Variants in CD109 observed in about 807,000 individuals in gnomAD.
CD109 encodes CD109 antigen.
CD109 carries 149 observed loss-of-function variants against 165.8 expected under a neutral mutation model. The ratio of observed to expected loss-of-function variants is 0.90; its 90% CI spans 0.79 to 1.03. CD109 has a LOEUF of 1.03. Ranked by LOEUF, CD109 falls within the 50% of genes least tolerant of loss-of-function variation. The pLI, the probability that CD109 is intolerant of heterozygous loss-of-function variation, is 0.00. For synonymous variants in CD109, 585 were observed against 592.1 expected (o/e 0.99, Z 0.18); for missense variants, 1,712 against 1,677.8 (o/e 1.02, Z -0.36).
Position 73,762,478 on chromosome 6 carries a change from A to C in CD109, c.853A>C (p.Lys285Gln). ...GAAGAAAAATATTACAAAAACATTTAAGGTAACTTTTGCAGACACTTTATA... is the reference window on the plus strand; with the variant it reads ...GAAGAAAAATATTACAAAAACATTTCAGGTAACTTTTGCAGACACTTTATA... ...GKKKNITKTFKINGSANFSFN... is the reference protein window; with the variant it reads ...GKKKNITKTFQINGSANFSFN... Residue 285 changes from lysine (K) to glutamine (Q), a missense_variant and splice_region_variant, in exon 8 of 33, where the codon AAG (lysine) becomes CAG (glutamine). Lys to Gln is a moderately conservative substitution (Grantham distance 53). Coordinates refer to ENST00000287097, the MANE Select transcript of CD109 (RefSeq NM_133493.5). The C allele has an allele frequency of 6.3e-7, 1 of 1,583,520 alleles. No individual in the cohort carries two copies. The highest frequency in any genetic ancestry group is 8.7e-7 in the Non-Finnish European group (1 of 1,153,188).
chr6:73,707,152 C>A (rs971439171), intron 2 of CD109, among the ~76,000 whole-genome samples: 1 of 152,192 alleles, frequency 6.6e-6, no homozygotes. Flanking sequence ...CAAAGTCAAG[C>A]GTGGGTTTAC....
At chr6:73,820,356 A>G (rs1776067292) in intron 31 of CD109, 105 bp from the exon 32 acceptor site, 3 of 599,882 alleles carry the variant, frequency 5.0e-6, no homozygotes, top group African/African-American at 3.8e-5. Flanking sequence ...ATCCTCCCTA[A>G]GTGTTAGTCT....
At chr6:73,819,621 C>A (rs1776044644) in intron 31 of CD109, among the ~76,000 whole-genome samples, 1 of 152,144 alleles carries the variant, frequency 6.6e-6, no homozygotes, top group Non-Finnish European at 1.5e-5. Context: ...TTTAGCACTT[C>A]AAAACCACTT....
At chr6:73,709,309 G>A (rs930586195) in intron 2 of CD109, among the ~76,000 whole-genome samples, 2 of 152,154 alleles carry the variant, frequency 1.3e-5, no homozygotes, top group African/African-American at 4.8e-5. Context: ...TCAGATAGTT[G>A]TAGATGTGTG....
At chr6:73,805,085 A>G (rs1013221387) in intron 24 of CD109, among the ~76,000 whole-genome samples, 1 of 152,232 alleles carries the variant, frequency 6.6e-6, no homozygotes, top group South Asian at 2.1e-4. Context: ...TGTGGAAGAC[A>G]GTGTGGTGAT....
chr6:73,682,807 G>T, the CD109 span, among the ~76,000 whole-genome samples: 1 of 152,212 alleles, frequency 6.6e-6, no homozygotes, highest in African/African-American at 2.4e-5. Context: ...CTGTGCACCT[G>T]CAGGCTGAAC....
rs143171955 is a variant in CD109 at position 73,804,036 on chromosome 6, A to G, written c.2960+735A>G. On this transcript the variant is annotated intron_variant, in intron 24 of 32. Coordinates refer to ENST00000287097, the MANE Select transcript of CD109 (RefSeq NM_133493.5). Reference sequence around the variant, plus strand: ...GCTCCAGGTTTGCCACAGCCCGGAAAGAGGAGGCTGGAGTCTATAGCACTG... The same window carrying G: ...GCTCCAGGTTTGCCACAGCCCGGAAGGAGGAGGCTGGAGTCTATAGCACTG... The G allele has an allele frequency of 2.0e-5, 3 of 152,432 alleles. No homozygotes were observed. The East Asian group carries it at 5.8e-4, about 29-fold the overall frequency. 9.4% of individuals were successfully genotyped at this position (152,432 alleles called of 1,614,324 possible).
Position 73,818,455 on chromosome 6 carries a change from C to T in CD109, c.3979C>T (p.Pro1327Ser), listed in dbSNP as rs1395461857. 3 of 1,613,550 alleles carry T rather than the reference C, an allele frequency of 1.9e-6. No individual in the cohort carries two copies. Among genetic ancestry groups the T allele is most frequent in the Non-Finnish European group, 2.5e-6 (3 of 1,179,830 alleles). Residue 1327 changes from proline to serine, a missense_variant, in exon 31 of 33, where the codon CCT (proline) becomes TCT (serine). Pro to Ser is a moderately conservative substitution (Grantham distance 74, BLOSUM62 -1). Transcript: ENST00000287097. ...EVNLLSGFMV[P>S]SEAISLSETV... ...TAACCTATTAAGTGGCTTTATGGTG[C>T]CTTCAGAAGCAATTTCTCTGAGCGA... is the stretch of plus-strand genomic sequence containing the variant.
intron 15 of CD109, among the ~76,000 whole-genome samples, chr6:73,776,971 A>G (rs1328805784): frequency 1.4e-5 from 2 of 140,670 alleles, no homozygotes; most frequent in Non-Finnish European, 3.1e-5. Context: ...GTGTCTGTTC[A>G]TATCCTTTGC....
rs57382539 is a variant in CD109, at chr6:73,798,110, GTT to G, written c.2879-5098_2879-5097del. On this transcript the variant is annotated intron_variant, in intron 23 of 32. Transcript: ENST00000287097. ...ATTATAGACGAGTCATCAGTGTCCT[GTT>G]TTTTTTTTTTTCTTTTTTTTGTGAT... is the stretch of plus-strand genomic sequence containing the variant. Among the ~76,000 whole-genome samples the G allele has an allele frequency of 2.0e-3, 284 of 142,524 alleles. 1 individual carries two copies. Among genetic ancestry groups the G allele is most frequent in the African/African-American group, 6.3e-3 (239 of 38,240 alleles). 93.5% of individuals were successfully genotyped at this position (142,524 alleles called of 152,430 possible). A position where few individuals can be genotyped will look rare whatever the true frequency, so the allele number is the denominator to read the frequency against.
chr6:73,737,111 G>A (rs1428646784), intron 5 of CD109, among the ~76,000 whole-genome samples: 1 of 152,100 alleles, frequency 6.6e-6, no homozygotes, highest in Non-Finnish European at 1.5e-5. Flanking sequence ...ATTTTAAAAA[G>A]CAATGAGACT....
chr6:73,778,429 C>T (rs903968103), intron 15 of CD109, among the ~76,000 whole-genome samples: 1 of 152,174 alleles, frequency 6.6e-6, no homozygotes, highest in African/African-American at 2.4e-5. Flanking sequence ...CTGGCCAGAA[C>T]TTCTAGTACT....
intron 2 of CD109, among the ~76,000 whole-genome samples, chr6:73,718,559 T>C (rs1211097594): frequency 6.6e-6 from 1 of 152,110 alleles, no homozygotes; most frequent in East Asian, 1.9e-4. Context: ...CATTGATTGA[T>C]GTGCATACAA....
At chr6:73,786,845 C>T (rs1239319056) in intron 20 of CD109, among the ~76,000 whole-genome samples, 2 of 152,114 alleles carry the variant, frequency 1.3e-5, no homozygotes, top group Non-Finnish European at 2.9e-5. Context: ...ATGCTGTTTT[C>T]TTCAAATTTT....
intron 3 of CD109, among the ~76,000 whole-genome samples, chr6:73,723,961 T>A (rs1019800634): frequency 1.3e-5 from 2 of 152,172 alleles, no homozygotes; most frequent in Non-Finnish European, 2.9e-5. Context: ...AGCCTTCTAG[T>A]GTGGAACTCT....
intron 5 of CD109, among the ~76,000 whole-genome samples, chr6:73,740,392 C>T (rs1371405175): frequency 6.6e-6 from 1 of 152,134 alleles, no homozygotes; most frequent in Non-Finnish European, 1.5e-5. Flanking sequence ...TTGACGGCTC[C>T]TTGGCATTTC....
At chr6:73,696,102 T>C, upstream of CD109, 1 of 1,010,698 alleles carries the variant, frequency 9.9e-7, no homozygotes, top group Non-Finnish European at 1.5e-6. Flanking sequence ...CATTTCAGAT[T>C]ACTAAACTCG....
chr6:73,821,237 A>G (rs1295361542), intron 32 of CD109, among the ~76,000 whole-genome samples: 1 of 152,158 alleles, frequency 6.6e-6, no homozygotes, highest in Non-Finnish European at 1.5e-5. Context: ...CAGCACACCA[A>G]CATGGCACAT....
intron 14 of CD109, among the ~76,000 whole-genome samples, chr6:73,769,407 C>T (rs963899925): frequency 1.3e-5 from 2 of 152,116 alleles, no homozygotes; most frequent in African/African-American, 4.8e-5. Context: ...TCTCAGAAAG[C>T]AAGACCAGGT....
Sources: gnomAD v4.1 joint callset for allele counts (sites outside exome capture counted in the v4.1 genomes callset) on GRCh38, gnomAD v4.1.1 for gene constraint, MANE v1.5 for transcripts, NCBI Gene and HGNC (gene_info 2026-07-23, HGNC 2026-07-21) for gene names.